MTAP: variants seen among roughly 807,000 people sequenced by gnomAD.
MTAP encodes the protein methylthioadenosine phosphorylase.
A neutral mutation model predicts 33.6 loss-of-function variants in MTAP; 33 were observed. That is an observed-to-expected ratio of 0.98 (90% CI 0.74 to 1.31). The LOEUF is 1.31. Among genes scored for constraint, MTAP ranks in the 40% most tolerant of loss-of-function variants. The probability of loss-of-function intolerance (pLI) is 0.00; values close to 1 mark genes in which losing one functional copy is unlikely to be tolerated. For missense variants in MTAP, 367 were observed against 360.0 expected, an observed-to-expected ratio of 1.02 and a Z score of -0.16; for synonymous variants, 148 against 125.7, an observed-to-expected ratio of 1.18 and a Z score of -1.19.
At chr9:21,829,318 CTGTT>C (rs1824906732) in intron 4 of MTAP, among the ~76,000 whole-genome samples, 1 of 151,526 alleles carries the variant, frequency 6.6e-6, no homozygotes, top group Non-Finnish European at 1.5e-5. Context: ...CATCTTGACT[CTGTT>C]TGGCCCTGTG....
At chr9:21,810,404 C>T (rs757814894) in intron 1 of MTAP, among the ~76,000 whole-genome samples, 12 of 148,908 alleles carry the variant, frequency 8.1e-5, no homozygotes, top group South Asian at 2.1e-4. Context: ...GAAAGGGAGA[C>T]GAGGGAGATA....
At chr9:21,818,259 T>A (rs1301013957) in intron 4 of MTAP, 57 bp downstream of exon 4, 1 of 1,536,540 alleles carries the variant, frequency 6.5e-7, no homozygotes, top group African/African-American at 1.4e-5. Context: ...TCAGCTCAAA[T>A]GGACGACGCG....
intron 4 of MTAP, among the ~76,000 whole-genome samples, chr9:21,828,652 G>A (rs747075512): frequency 3.9e-5 from 6 of 152,034 alleles, no homozygotes; most frequent in South Asian, 2.1e-4. Context: ...TCCAGCCTAG[G>A]CAACAAGAGT....
chr9:21,825,435 T>G (rs1824768511), intron 4 of MTAP, among the ~76,000 whole-genome samples: 1 of 152,216 alleles, frequency 6.6e-6, no homozygotes, highest in Admixed American at 6.5e-5. Context: ...TTCAGTTTTT[T>G]GGGGAATTTT....
downstream of MTAP, chr9:21,935,153 TATAGA>T (rs1404470950): frequency 1.3e-5 from 2 of 152,190 alleles, no homozygotes; most frequent in African/African-American, 2.4e-5. Context: ...ACAATTGAAT[TATAGA>T]ATAGAATTCA....
At chr9:21,912,765 G>T (rs1373334909) in intron 1 of MTAP, among the ~76,000 whole-genome samples, 2 of 152,192 alleles carry the variant, frequency 1.3e-5, no homozygotes, top group African/African-American at 4.8e-5. Context: ...TCAACATAGT[G>T]TTGGAAGTTC....
At chr9:21,918,349 C>CAAAAAAAA (rs34446505) in intron 1 of MTAP, among the ~76,000 whole-genome samples, 3 of 23,810 alleles carry the variant, frequency 1.3e-4, no homozygotes, top group Non-Finnish European at 7.1e-5. Flanking sequence ...GACTCCGTCT[C>CAAAAAAAA]AAAAAAAAAA....
chr9:21,832,996 A>G (rs546510512), intron 4 of MTAP, among the ~76,000 whole-genome samples: 17 of 152,270 alleles, frequency 1.1e-4, no homozygotes, highest in South Asian at 6.2e-4. Flanking sequence ...GCTATTGTTT[A>G]GCATGATCTC....
intron 1 of MTAP, among the ~76,000 whole-genome samples, chr9:21,906,990 G>A (rs1818487495): frequency 6.6e-6 from 1 of 152,188 alleles, no homozygotes. Context: ...ATTCTAAACT[G>A]TATGTCATAG....
At chr9:21,877,578 A>G (rs771270707) in intron 1 of MTAP, among the ~76,000 whole-genome samples, 47 of 152,280 alleles carry the variant, frequency 3.1e-4, no homozygotes, top group Admixed American at 1.0e-3. Flanking sequence ...GTGATGTTCA[A>G]TTTTATCAAA....
At chr9:21,935,979 A>G (rs1587309476), downstream of MTAP, 1 of 152,332 alleles carries the variant, frequency 6.6e-6, no homozygotes, top group Middle Eastern at 3.4e-3. Flanking sequence ...AGTATAATCA[A>G]TTTGAGAATA....
rs77761485 is a variant in MTAP, at chr9:21,920,592, G to C, written c.148-10416G>C. Reference sequence around the variant, plus strand: ...CCACTTACCTTCCAATAGCCCACTCGAAAGGGGCTATTGGGAAACAATTCT... The same window carrying C: ...CCACTTACCTTCCAATAGCCCACTCCAAAGGGGCTATTGGGAAACAATTCT... On this transcript the variant is annotated intron_variant, in intron 1 of 1. Transcript: ENST00000577563. Among the ~76,000 whole-genome samples, 3 of 152,226 alleles carry C rather than the reference G, an allele frequency of 2.0e-5. No individual in the cohort carries two copies. In the East Asian group the frequency reaches 5.8e-4, roughly 29 times the overall value.
chr9:21,874,365 A>G (rs202207280), intron 1 of MTAP, among the ~76,000 whole-genome samples: 1 of 152,218 alleles, frequency 6.6e-6, no homozygotes, highest in East Asian at 1.9e-4. Flanking sequence ...ACTATTCAAA[A>G]TTTCAAATGT....
intron 4 of MTAP, among the ~76,000 whole-genome samples, chr9:21,823,642 A>G (rs1824706546): frequency 6.6e-6 from 1 of 151,924 alleles, no homozygotes; most frequent in South Asian, 2.1e-4. Context: ...GTATTTCCTG[A>G]GTTTGAATGT....
chr9:21,806,565 G>A (rs10757257), intron 1 of MTAP, among the ~76,000 whole-genome samples: 51,806 of 151,786 alleles, frequency 0.34, 9,747 homozygotes, highest in East Asian at 0.45. Context: ...TGGAGTGAGA[G>A]TAATTCAAGC....
chr9:21,831,461 C>G (rs1328774135), intron 4 of MTAP, among the ~76,000 whole-genome samples: 1 of 151,724 alleles, frequency 6.6e-6, no homozygotes, highest in African/African-American at 2.4e-5. Flanking sequence ...CGTCTAGTAG[C>G]TAGGATTACA....
In MTAP at chr9:21,900,852, T is replaced by C. The variant is rs115892747; in HGVS notation, c.148-30156T>C. Among the ~76,000 whole-genome samples, 761 of 152,276 alleles carry C rather than the reference T, an allele frequency of 5.0e-3. 6 individuals carry two copies. Among genetic ancestry groups the C allele is most frequent in the African/African-American group, 0.018 (736 of 41,552 alleles). ...TATGCAGCCATGAGAAAGAACAAAA[T>C]AATGTCTTTTGCAGCAGCATGGATG... On this transcript the variant is annotated intron_variant, in intron 1 of 1. Transcript: ENST00000577563.
chr9:21,853,319 A>G (rs187914047), intron 5 of MTAP, among the ~76,000 whole-genome samples: 12 of 152,042 alleles, frequency 7.9e-5, no homozygotes, highest in African/African-American at 2.7e-4. Context: ...TGGGGTAGAG[A>G]TTTAGGCTTT....
intron 1 of MTAP, among the ~76,000 whole-genome samples, chr9:21,807,695 G>T (rs1791530424): frequency 6.6e-6 from 1 of 152,160 alleles, no homozygotes; most frequent in Admixed American, 6.5e-5. Flanking sequence ...AAGAGAGGTA[G>T]GAGCAGCCAG....
Sources: gnomAD v4.1 joint callset for allele counts (sites outside exome capture counted in the v4.1 genomes callset) on GRCh38, gnomAD v4.1.1 for gene constraint, MANE v1.5 for transcripts, NCBI Gene and HGNC (gene_info 2026-07-23, HGNC 2026-07-21) for gene names.